Variants in PDE8A observed in about 807,000 individuals in gnomAD.
PDE8A encodes the protein phosphodiesterase 8A, also known as high affinity cAMP-specific and IBMX-insensitive 3',5'-cyclic phosphodiesterase 8A.
A neutral mutation model predicts 105.0 loss-of-function variants in PDE8A; 59 were observed. That is an observed-to-expected ratio of 0.56 (90% CI 0.46 to 0.70). PDE8A has a LOEUF of 0.70. Among genes scored for constraint, PDE8A ranks in the 30% least tolerant of loss-of-function variants. The pLI is 0.00. For synonymous variants in PDE8A, 355 were observed against 371.9 expected, an observed-to-expected ratio of 0.95 and a Z score of 0.52; for missense variants, 1,014 against 1,045.9, an observed-to-expected ratio of 0.97 and a Z score of 0.42.
At chr15:84,983,032 G>A (rs192386835) in intron 1 of PDE8A, among the ~76,000 whole-genome samples, 149 of 152,328 alleles carry the variant, frequency 9.8e-4, no homozygotes, top group African/African-American at 3.5e-3. Flanking sequence ...GGGACATTTT[G>A]TGACTGGGGT....
chr15:85,100,869 C>T (rs1159891492), intron 11 of PDE8A, among the ~76,000 whole-genome samples: 2 of 152,198 alleles, frequency 1.3e-5, no homozygotes, highest in Admixed American at 1.3e-4. Context: ...GAGTAGTGTG[C>T]TCTGCTTGCC....
chr15:85,009,440 T>C (rs1189175927), intron 1 of PDE8A, among the ~76,000 whole-genome samples: 1 of 152,224 alleles, frequency 6.6e-6, no homozygotes, highest in Non-Finnish European at 1.5e-5. Flanking sequence ...TCCTTCTTTG[T>C]AATGGAATTT....
intron 1 of PDE8A, 146 bp from the exon 2 acceptor site, chr15:85,064,224 T>A: frequency 1.7e-6 from 1 of 588,534 alleles, no homozygotes; most frequent in Non-Finnish European, 3.0e-6. Context: ...GGATTCCTCA[T>A]AATCATTTCA....
At chr15:85,022,014 T>C (rs2080434534) in intron 1 of PDE8A, among the ~76,000 whole-genome samples, 1 of 152,216 alleles carries the variant, frequency 6.6e-6, no homozygotes. Context: ...AAATATCTTA[T>C]GGGGAAGTAT....
intron 1 of PDE8A, among the ~76,000 whole-genome samples, chr15:84,996,550 C>T (rs905094613): frequency 6.6e-6 from 1 of 152,006 alleles, no homozygotes; most frequent in Non-Finnish European, 1.5e-5. Flanking sequence ...ATGGGCTGGG[C>T]ATGGTGGCTC....
intron 1 of PDE8A, among the ~76,000 whole-genome samples, chr15:84,995,107 G>A (rs775771652): frequency 6.6e-6 from 1 of 152,154 alleles, no homozygotes; most frequent in East Asian, 1.9e-4. Context: ...AATATTTAGT[G>A]TATATTTGCT....
intron 1 of PDE8A, among the ~76,000 whole-genome samples, chr15:84,991,196 AAG>A (rs2079880039): frequency 6.6e-6 from 1 of 152,242 alleles, no homozygotes. Context: ...TTCTCATCAA[AAG>A]AGAGTGAAAA....
intron 6 of PDE8A, among the ~76,000 whole-genome samples, chr15:85,085,142 G>T (rs1417883304): frequency 6.6e-6 from 1 of 152,110 alleles, no homozygotes; most frequent in Non-Finnish European, 1.5e-5. Context: ...ACTCCAAAAT[G>T]TAGCCTACAA....
Position 85,116,123 on chromosome 15 carries a change from AG to A in PDE8A, c.1535+5del. 6.2e-7 allele frequency: 1 copy of A among 1,613,880 alleles called. No homozygotes were observed. The highest frequency in any genetic ancestry group is 8.5e-7 in the Non-Finnish European group (1 of 1,179,824). Reference sequence around the variant, plus strand: ...TGGAGGCTGCCACCCACAATAGGTGAGTTCATGCAGAGCTCAGCAGCGGGAG... The same window carrying A: ...TGGAGGCTGCCACCCACAATAGGTGATTCATGCAGAGCTCAGCAGCGGGAG... On this transcript the variant is annotated splice_donor_5th_base_variant and intron_variant, in intron 16 of 21. Transcript: ENST00000394553.
intron 11 of PDE8A, 60 bp from the exon 12 acceptor site, chr15:85,108,990 TAAC>T: frequency 1.7e-6 from 2 of 1,171,030 alleles, no homozygotes; most frequent in Non-Finnish European, 1.2e-6. Context: ...TTTAGATTGG[TAAC>T]CTTCCTTAAT....
chr15:84,993,243 A>C (rs1596413265), intron 1 of PDE8A, among the ~76,000 whole-genome samples: 1 of 151,744 alleles, frequency 6.6e-6, no homozygotes. Flanking sequence ...GGAGATCAAG[A>C]CCATCCTGGC....
At chr15:85,035,227 A>C (rs1201297792) in intron 1 of PDE8A, among the ~76,000 whole-genome samples, 2 of 51,792 alleles carry the variant, frequency 3.9e-5, no homozygotes, top group Non-Finnish European at 3.9e-5. Context: ...TTTTTTTTTG[A>C]GACAGTGTTT....
intron 1 of PDE8A, among the ~76,000 whole-genome samples, chr15:84,997,367 G>C (rs1322786806): frequency 6.7e-6 from 1 of 150,310 alleles, no homozygotes; most frequent in Admixed American, 6.6e-5. Flanking sequence ...CTAATTTTTT[G>C]TATTTTTTTG....
At chr15:85,110,463 A>G (rs958217705) in intron 12 of PDE8A, among the ~76,000 whole-genome samples, 19 of 152,202 alleles carry the variant, frequency 1.2e-4, no homozygotes, top group Admixed American at 9.2e-4. Flanking sequence ...CAAACACATT[A>G]TTAACCATGC....
intron 2 of PDE8A, among the ~76,000 whole-genome samples, chr15:85,066,249 G>T (rs2081223002): frequency 6.6e-6 from 1 of 152,188 alleles, no homozygotes; most frequent in Middle Eastern, 3.4e-3. Context: ...AGTTCTGCCA[G>T]TGGGTTTCTT....
chr15:85,063,097 T>C (rs1202464895), intron 1 of PDE8A: 8 of 152,240 alleles, frequency 5.3e-5, no homozygotes, highest in Non-Finnish European at 8.8e-5. Flanking sequence ...GGGACCCTCA[T>C]TCTTTTTATG....
At chr15:85,044,780 A>C (rs563092719) in intron 1 of PDE8A, among the ~76,000 whole-genome samples, 1 of 152,346 alleles carries the variant, frequency 6.6e-6, no homozygotes, top group South Asian at 2.1e-4. Flanking sequence ...CCCGTAGTTC[A>C]TTCTCCATTG....
At position 85,092,370 on chromosome 15, in the gene PDE8A, A is replaced by T. The variant is rs1375588373; in HGVS notation, c.852+1189A>T. ...TTCGTTTTTTTACTAGAGGGAGTGGAAGGTCCTCTAGAAAGAGAGGTATGA... is the reference window on the plus strand; with the variant it reads ...TTCGTTTTTTTACTAGAGGGAGTGGTAGGTCCTCTAGAAAGAGAGGTATGA... On this transcript the variant is annotated intron_variant, in intron 8 of 21. Coordinates refer to ENST00000394553, the MANE Select transcript of PDE8A (RefSeq NM_002605.3). Among the ~76,000 whole-genome samples, 3 of 150,408 alleles carry T rather than the reference A, an allele frequency of 2.0e-5. 1 individual carries two copies. The highest frequency in any genetic ancestry group is 6.8e-3 in the Middle Eastern group (2 of 292).
At chr15:84,998,357 G>A (rs2080013058) in intron 1 of PDE8A, among the ~76,000 whole-genome samples, 1 of 152,174 alleles carries the variant, frequency 6.6e-6, no homozygotes, top group Non-Finnish European at 1.5e-5. Flanking sequence ...AGATGGCCTG[G>A]CCTCAGACTC....
Sources: allele counts gnomAD v4.1 joint callset (sites outside exome capture counted in the v4.1 genomes callset), GRCh38; gene constraint gnomAD v4.1.1; transcripts MANE v1.5; gene names NCBI Gene and HGNC (gene_info 2026-07-23, HGNC 2026-07-21).